The following DLC1 variants were observed in gnomAD, a reference collection of about 807,000 sequenced individuals.
DLC1 encodes rho GTPase-activating protein 7.
DLC1 carries 54 observed loss-of-function variants against 140.3 expected under a neutral mutation model. The observed-to-expected ratio is 0.38, with a 90% confidence interval of 0.31 to 0.48. DLC1 has a LOEUF of 0.48. Ranked by LOEUF, DLC1 falls within the 20% of genes least tolerant of loss-of-function variation. The probability of loss-of-function intolerance (pLI) is 0.96; values close to 1 mark genes in which losing one functional copy is unlikely to be tolerated. For missense variants in DLC1, 2,536 were observed against 1,907.0 expected (o/e 1.33, Z -6.14); for synonymous variants, 986 against 728.1 (o/e 1.35, Z -5.70).
chr8:13,142,252 C>T (rs145126779), intron 5 of DLC1, among the ~76,000 whole-genome samples: 149 of 152,294 alleles, frequency 9.8e-4, no homozygotes, highest in African/African-American at 3.3e-3. Context: ...TTCTTTATAG[C>T]AGTGTGAAGA....
intron 2 of DLC1, among the ~76,000 whole-genome samples, chr8:13,405,933 C>CTTTG: frequency 1.2e-5 from 1 of 86,826 alleles, no homozygotes; most frequent in Non-Finnish European, 2.4e-5. Flanking sequence ...TTCTTTCTTT[C>CTTTG]TTTCTTTCTT....
At chr8:13,166,494 C>G (rs552544259) in intron 5 of DLC1, among the ~76,000 whole-genome samples, 31 of 152,238 alleles carry the variant, frequency 2.0e-4, no homozygotes, top group African/African-American at 7.5e-4. Context: ...GTGTGTGCCA[C>G]CACACCTGGC....
intron 5 of DLC1, among the ~76,000 whole-genome samples, chr8:13,272,163 A>G (rs956898159): frequency 6.6e-6 from 1 of 152,234 alleles, no homozygotes; most frequent in African/African-American, 2.4e-5. Flanking sequence ...AAAGACTAGT[A>G]TTGGCCAGGC....
chr8:13,405,009 G>GATAA (rs1042901243), intron 2 of DLC1, among the ~76,000 whole-genome samples: 4 of 151,408 alleles, frequency 2.6e-5, no homozygotes, highest in South Asian at 4.2e-4. Context: ...CTCCATCTCA[G>GATAA]ATAAATAAAT....
In DLC1 at chr8:13,591,535, T is replaced by A. The variant is rs185434355; in HGVS notation, c.-126+13002A>T. 4.6e-5 allele frequency among the ~76,000 whole-genome samples: 7 copies of A among 152,160 alleles called. No individual in the cohort carries two copies. In the East Asian group the frequency reaches 1.4e-3, roughly 29 times the overall value. The stretch of plus-strand genomic sequence containing the variant: ...CTCCCTAGCCATGCAGAACCGTGAG[T>A]CAATTAAACCTCTTTTCTTCATAAA... On this transcript the variant is annotated intron_variant, in intron 1 of 1. Coordinates refer to the DLC1 transcript ENST00000631382.
chr8:13,134,066 A>G (rs1822366247), intron 5 of DLC1, among the ~76,000 whole-genome samples: 1 of 152,244 alleles, frequency 6.6e-6, no homozygotes, highest in Admixed American at 6.5e-5. Flanking sequence ...GTCTGACTGC[A>G]TAATTCCAAT....
chr8:13,227,917 A>G (rs531791819), intron 5 of DLC1, among the ~76,000 whole-genome samples: 4 of 152,292 alleles, frequency 2.6e-5, no homozygotes, highest in African/African-American at 7.2e-5. Flanking sequence ...TGACATTTAT[A>G]TAGATGGTAT....
intron 5 of DLC1, among the ~76,000 whole-genome samples, chr8:13,157,634 T>G (rs1420947565): frequency 1.3e-5 from 2 of 152,180 alleles, no homozygotes; most frequent in African/African-American, 4.8e-5. Flanking sequence ...AACTATATTG[T>G]CGGGGCAGAG....
intron 5 of DLC1, among the ~76,000 whole-genome samples, chr8:13,284,741 A>G (rs1359615804): frequency 6.6e-6 from 1 of 152,046 alleles, no homozygotes; most frequent in African/African-American, 2.4e-5. Flanking sequence ...TTCACATACT[A>G]GAAATGAACA....
intron 5 of DLC1, among the ~76,000 whole-genome samples, chr8:13,191,884 G>A (rs967752762): frequency 2.0e-5 from 3 of 151,406 alleles, no homozygotes; most frequent in East Asian, 3.9e-4. Flanking sequence ...GACCTCTCTC[G>A]TCTCCTTTTC....
intron 4 of DLC1, among the ~76,000 whole-genome samples, chr8:13,368,359 T>A (rs1166977170): frequency 1.3e-5 from 2 of 152,080 alleles, no homozygotes; most frequent in Non-Finnish European, 2.9e-5. Context: ...CTTGGCATCC[T>A]CTTCATAGTA....
At chr8:13,402,246 G>C (rs954591605) in intron 2 of DLC1, among the ~76,000 whole-genome samples, 32 of 152,100 alleles carry the variant, frequency 2.1e-4, no homozygotes, top group African/African-American at 7.2e-4. Flanking sequence ...AAATGAGTAT[G>C]GTTACTTATT....
chr8:13,591,769 A>T (rs1232512344), intron 1 of DLC1, among the ~76,000 whole-genome samples: 1 of 152,114 alleles, frequency 6.6e-6, no homozygotes, highest in Non-Finnish European at 1.5e-5. Context: ...TCAGATATGA[A>T]ATTTGAGAGA....
intron 3 of DLC1, among the ~76,000 whole-genome samples, chr8:13,397,239 G>C (rs1837090921): frequency 6.6e-6 from 1 of 152,132 alleles, no homozygotes; most frequent in South Asian, 2.1e-4. Flanking sequence ...GGAAGCTGTG[G>C]TGATTCCCAG....
At chr8:13,488,538 G>C (rs570060851) in intron 2 of DLC1, among the ~76,000 whole-genome samples, 1 of 152,228 alleles carries the variant, frequency 6.6e-6, no homozygotes, top group South Asian at 2.1e-4. Context: ...GCCACAAAGA[G>C]ATCCCTTTCC....
chr8:13,513,861 C>T (rs1231337839), intron 1 of DLC1, among the ~76,000 whole-genome samples: 1 of 152,138 alleles, frequency 6.6e-6, no homozygotes, highest in East Asian at 1.9e-4. Flanking sequence ...TAATGAGTGT[C>T]AGTGTCATTG....
chr8:13,478,762 C>T (rs1800552028), intron 2 of DLC1, among the ~76,000 whole-genome samples: 1 of 152,068 alleles, frequency 6.6e-6, no homozygotes, highest in African/African-American at 2.4e-5. Flanking sequence ...TAAAAAAATC[C>T]CTCTCTGGCT....
intron 1 of DLC1, among the ~76,000 whole-genome samples, chr8:13,599,327 C>T (rs1252127870): frequency 2.6e-5 from 4 of 151,866 alleles, no homozygotes; most frequent in Non-Finnish European, 2.9e-5. Context: ...TGCCATAGAA[C>T]AATAATAAAT....
intron 1 of DLC1, among the ~76,000 whole-genome samples, chr8:13,544,451 A>C (rs990361809): frequency 6.6e-6 from 1 of 152,226 alleles, no homozygotes; most frequent in Non-Finnish European, 1.5e-5. Context: ...AAGATTAAAC[A>C]CAGTACTTTG....
Sources: allele counts gnomAD v4.1 joint callset (sites outside exome capture counted in the v4.1 genomes callset), GRCh38; gene constraint gnomAD v4.1.1; transcripts MANE v1.5; gene names NCBI Gene and HGNC (gene_info 2026-07-23, HGNC 2026-07-21).